The following OSBPL1A variants were observed in gnomAD, a reference collection of about 807,000 sequenced individuals.
OSBPL1A encodes the protein oxysterol binding protein like 1A.
A neutral mutation model predicts 137.1 loss-of-function variants in OSBPL1A; 80 were observed. The observed-to-expected ratio is 0.58, with a 90% confidence interval of 0.49 to 0.70. The LOEUF (loss-of-function observed/expected upper bound fraction) is 0.70, where lower values mean the gene tolerates loss of function less well. OSBPL1A is among the 30% of genes least tolerant of loss of function. OSBPL1A has a pLI of 0.00. For synonymous variants in OSBPL1A, 365 were observed against 389.7 expected, an observed-to-expected ratio of 0.94 and a Z score of 0.75; for missense variants, 970 against 1,129.4, an observed-to-expected ratio of 0.86 and a Z score of 2.02.
At chr18:24,181,392 T>G in intron 18 of OSBPL1A, 113 bp from the exon 19 acceptor site, 1 of 1,157,562 alleles carries the variant, frequency 8.6e-7, no homozygotes, top group East Asian at 2.5e-5. Flanking sequence ...TAGCAACCCA[T>G]GAAATTTCAT....
chr18:24,225,573 C>T (rs183562316), intron 16 of OSBPL1A, among the ~76,000 whole-genome samples: 4 of 152,262 alleles, frequency 2.6e-5, no homozygotes, highest in Admixed American at 2.6e-4. Context: ...ATTTTTAAAA[C>T]TCATGTATAA....
intron 5 of OSBPL1A, among the ~76,000 whole-genome samples, chr18:24,338,243 T>A (rs1176631014): frequency 2.0e-5 from 3 of 151,720 alleles, no homozygotes; most frequent in Non-Finnish European, 2.9e-5. Flanking sequence ...TGGCTAATTT[T>A]TTTTTTTTTT....
At chr18:24,274,514 G>A (rs1190461132) in intron 15 of OSBPL1A, among the ~76,000 whole-genome samples, 1 of 152,118 alleles carries the variant, frequency 6.6e-6, no homozygotes, top group Non-Finnish European at 1.5e-5. Context: ...TAAAAGAATG[G>A]GTGACATCAT....
At chr18:24,204,583 G>T (rs1439071690) in intron 17 of OSBPL1A, among the ~76,000 whole-genome samples, 2 of 143,602 alleles carry the variant, frequency 1.4e-5, no homozygotes, top group African/African-American at 2.6e-5. Context: ...TAAACATGAT[G>T]TTCCCATTCT....
rs528048314 is a variant in OSBPL1A at position 24,229,820 on chromosome 18, G to A, written c.1445-4622C>T. Among the ~76,000 whole-genome samples the A allele has an allele frequency of 4.0e-5, 6 of 151,500 alleles. No individual in the cohort carries two copies. In the South Asian group the frequency reaches 8.4e-4, roughly 21 times the overall value. ...GGCTGGAGTGCAGTGGCACGATCTC[G>A]GCTCACTGCAACCTCTGCCTCCCTC... On this transcript the variant is annotated intron_variant, in intron 16 of 27. Coordinates refer to ENST00000319481, the MANE Select transcript of OSBPL1A (RefSeq NM_080597.4).
intron 1 of OSBPL1A, among the ~76,000 whole-genome samples, chr18:24,391,399 T>C (rs186331719): frequency 1.3e-5 from 2 of 152,020 alleles, no homozygotes. Flanking sequence ...TGTGAATGTA[T>C]GCAATGCCAC....
chr18:24,279,823 A>G (rs1002554760), intron 15 of OSBPL1A, among the ~76,000 whole-genome samples: 1 of 152,036 alleles, frequency 6.6e-6, no homozygotes, highest in African/African-American at 2.4e-5. Context: ...ACTCTTACTC[A>G]TATTTGGTTT....
intron 18 of OSBPL1A, among the ~76,000 whole-genome samples, chr18:24,192,116 T>C (rs909797940): frequency 2.0e-5 from 3 of 152,132 alleles, no homozygotes; most frequent in Non-Finnish European, 2.9e-5. Context: ...TCCAAGACAT[T>C]TGAACACACA....
intron 14 of OSBPL1A, 88 bp from the exon 15 acceptor site, chr18:24,281,036 A>C: frequency 1.4e-6 from 1 of 739,494 alleles, no homozygotes. Flanking sequence ...ATATCTATTA[A>C]CCTCATCTTT....
intron 16 of OSBPL1A, among the ~76,000 whole-genome samples, chr18:24,230,494 T>C (rs1302499933): frequency 1.3e-5 from 2 of 152,178 alleles, no homozygotes; most frequent in African/African-American, 4.8e-5. Context: ...TAAAAGCCAA[T>C]GAGCTAGCTA....
At position 24,196,131 on chromosome 18, in the gene OSBPL1A, A is replaced by G; in HGVS notation, c.1671T>C (p.Ile557=). The part of the protein sequence containing the change: ...FSIWSILRKC[I]GMELSKITMP... ...GACAAAACCATTAATTTACCATTCC[A>G]ATACATTTTCTGAGGATGCTCCAGA... The change falls in exon 18 of 28, where the codon ATT becomes ATC. Residue 557 remains isoleucine (I), a synonymous_variant. Coordinates refer to ENST00000319481, the MANE Select transcript of OSBPL1A (RefSeq NM_080597.4). 6.2e-7 allele frequency: 1 copy of G among 1,608,036 alleles called. No individual in the cohort carries two copies. Among genetic ancestry groups the G allele is most frequent in the Middle Eastern group, 1.7e-4 (1 of 6,032 alleles).
rs559818717 is a variant in OSBPL1A at position 24,173,538 on chromosome 18, G to A, written c.2094-1055C>T. Among the ~76,000 whole-genome samples, 6 of 152,064 alleles carry A rather than the reference G, an allele frequency of 3.9e-5. No individual in the cohort carries two copies. The East Asian group carries it at 9.7e-4, about 25-fold the overall frequency. ...AGTGATTCTCGGGCCTCAGCCTCCC[G>A]AGGAGCTGGGACTACAGGCACGTGC... is the stretch of plus-strand genomic sequence containing the variant. On this transcript the variant is annotated intron_variant, in intron 21 of 27. Coordinates refer to ENST00000319481, the MANE Select transcript of OSBPL1A (RefSeq NM_080597.4).
intron 18 of OSBPL1A, among the ~76,000 whole-genome samples, chr18:24,182,616 C>T (rs1290423201): frequency 6.6e-6 from 1 of 152,146 alleles, no homozygotes; most frequent in Non-Finnish European, 1.5e-5. Context: ...AGAAAATAAG[C>T]TCATTCATTA....
intron 1 of OSBPL1A, among the ~76,000 whole-genome samples, chr18:24,378,959 G>C (rs565158736): frequency 5.9e-5 from 9 of 152,104 alleles, no homozygotes; most frequent in African/African-American, 1.2e-4. Flanking sequence ...AAACATGAAA[G>C]ACAAAGACCA....
At chr18:24,290,738 T>C (rs944016822) in intron 14 of OSBPL1A, among the ~76,000 whole-genome samples, 5 of 151,902 alleles carry the variant, frequency 3.3e-5, no homozygotes, top group Non-Finnish European at 7.4e-5. Context: ...AACAACAAAA[T>C]AGATGAGGCT....
rs141729624 is a variant in OSBPL1A, at chr18:24,319,304, C to T, written c.626-495G>A. On this transcript the variant is annotated intron_variant, in intron 7 of 27. Transcript: ENST00000319481. ...ATTCTGTTCTCTCTCTCTCTATAGC[C>T]CTCCCTCCTATCAGGAGCCTTGTAA... Among the ~76,000 whole-genome samples, 97 of 152,288 alleles carry T rather than the reference C, an allele frequency of 6.4e-4. 1 individual carries two copies. Among genetic ancestry groups the T allele is most frequent in the Non-Finnish European group, 7.2e-4 (49 of 68,022 alleles).
chr18:24,225,645 A>G (rs1357692584), intron 16 of OSBPL1A, among the ~76,000 whole-genome samples: 4 of 152,046 alleles, frequency 2.6e-5, no homozygotes, highest in Non-Finnish European at 5.9e-5. Flanking sequence ...AATACTGTAG[A>G]CATAAAAGTA....
In OSBPL1A at chr18:24,175,139, C is replaced by CGTATAT. The variant is rs1567920404; in HGVS notation, c.2094-2657_2094-2656insATATAC. Among the ~76,000 whole-genome samples, 95 of 119,810 alleles carry CGTATAT rather than the reference C, an allele frequency of 7.9e-4. 1 individual carries two copies. The highest frequency in any genetic ancestry group is 3.8e-3 in the African/African-American group (87 of 23,002). The allele number at this position is 119,810 out of a possible 152,430, so 78.6% of individuals were successfully genotyped here. On this transcript the variant is annotated intron_variant, in intron 21 of 27. Transcript: ENST00000319481. ...ATATATATATATATATATATATACACATATATATATATATATGAAGTATCT... is the reference window on the plus strand; with the variant it reads ...ATATATATATATATATATATATACACGTATATATATATATATATATATGAAGTATCT...
rs2086247699 is a variant in OSBPL1A, at chr18:24,170,429, A to G, written c.2316T>C (p.Tyr772=). Residue 772 remains tyrosine (Y), a synonymous_variant, in exon 24 of 28, where the codon TAT becomes TAC. Transcript: ENST00000319481. ...TGTATAAACATTCAGTCCACTTCCC[A>G]TAGAGGGCACAGAGCTTCTTTTTGC... is the stretch of plus-strand genomic sequence containing the variant. ...DKSKKKLCAL[Y]GKWTECLYSV... is the part of the protein sequence containing the mutation. 3.7e-6 allele frequency: 6 copies of G among 1,614,056 alleles called. No individual in the cohort carries two copies. The highest frequency in any genetic ancestry group is 5.1e-6 in the Non-Finnish European group (6 of 1,180,010).
Sources: gnomAD v4.1 joint callset for allele counts (sites outside exome capture counted in the v4.1 genomes callset) on GRCh38, gnomAD v4.1.1 for gene constraint, MANE v1.5 for transcripts, NCBI Gene and HGNC (gene_info 2026-07-23, HGNC 2026-07-21) for gene names.